SULF1: variants seen among roughly 807,000 people sequenced by gnomAD.
SULF1 encodes the protein extracellular sulfatase Sulf-1.
Under a neutral mutation model 110.5 loss-of-function variants are expected in SULF1, and 46 were observed. That is an observed-to-expected ratio of 0.42 (90% CI 0.33 to 0.53). The LOEUF (loss-of-function observed/expected upper bound fraction) is 0.53, where lower values mean the gene tolerates loss of function less well. Among genes scored for constraint, SULF1 ranks in the 20% least tolerant of loss-of-function variants. The probability of loss-of-function intolerance (pLI) is 0.12; values close to 1 mark genes in which losing one functional copy is unlikely to be tolerated. For missense variants in SULF1, 941 were observed against 1,094.2 expected (o/e 0.86, Z 1.98); for synonymous variants, 371 against 387.1 (o/e 0.96, Z 0.49).
chr8:69,492,229 G>A (rs1809975896), upstream of SULF1, among the ~76,000 whole-genome samples: 1 of 151,828 alleles, frequency 6.6e-6, no homozygotes, highest in East Asian at 1.9e-4. Flanking sequence ...GAAGCTTGGT[G>A]CTCAGAATAA....
intron 1 of SULF1, among the ~76,000 whole-genome samples, chr8:69,472,962 G>T (rs1322174207): frequency 6.6e-6 from 1 of 152,068 alleles, no homozygotes; most frequent in Non-Finnish European, 1.5e-5. Flanking sequence ...TCAGTCTCAT[G>T]AGTAGCTAGG....
At chr8:69,631,100 T>C (rs1770835937) in intron 19 of SULF1, among the ~76,000 whole-genome samples, 2 of 151,940 alleles carry the variant, frequency 1.3e-5, no homozygotes, top group Non-Finnish European at 2.9e-5. Flanking sequence ...ACCTAAAGGA[T>C]AGAGAGAAGC....
intron 5 of SULF1, among the ~76,000 whole-genome samples, chr8:69,572,877 A>G (rs1233841654): frequency 2.6e-5 from 4 of 152,124 alleles, no homozygotes; most frequent in African/African-American, 4.8e-5. Flanking sequence ...CCCCAGGCTG[A>G]AGTGCAGTGG....
intron 3 of SULF1, among the ~76,000 whole-genome samples, chr8:69,562,536 A>T (rs1434341339): frequency 1.3e-5 from 2 of 152,146 alleles, no homozygotes; most frequent in African/African-American, 4.8e-5. Flanking sequence ...TTCCCTCATG[A>T]CATATGAGAG....
At chr8:69,615,215 T>C (rs1229467739) in intron 13 of SULF1, among the ~76,000 whole-genome samples, 1 of 152,216 alleles carries the variant, frequency 6.6e-6, no homozygotes, top group Non-Finnish European at 1.5e-5. Context: ...CCCTTCTCAT[T>C]ATTTTGACTA....
chr8:69,519,953 C>A (rs1238613756), intron 3 of SULF1, among the ~76,000 whole-genome samples: 5 of 152,124 alleles, frequency 3.3e-5, no homozygotes, highest in Non-Finnish European at 5.9e-5. Flanking sequence ...TTTCTGAAAT[C>A]TTAATACAAC....
chr8:69,593,709 G>T (rs1807075028), intron 8 of SULF1, among the ~76,000 whole-genome samples: 1 of 152,160 alleles, frequency 6.6e-6, no homozygotes, highest in Non-Finnish European at 1.5e-5. Flanking sequence ...CTGTAACTCA[G>T]CTACTCATGG....
intron 3 of SULF1, among the ~76,000 whole-genome samples, chr8:69,538,874 G>A (rs1813655168): frequency 6.6e-6 from 1 of 152,104 alleles, no homozygotes; most frequent in African/African-American, 2.4e-5. Flanking sequence ...TGTATTTTTA[G>A]TGGAGATGGG....
intron 3 of SULF1, among the ~76,000 whole-genome samples, chr8:69,508,198 T>C (rs924973421): frequency 6.6e-6 from 1 of 152,014 alleles, no homozygotes; most frequent in Non-Finnish European, 1.5e-5. Flanking sequence ...CTCCGCCTCC[T>C]GGGTTCAAGC....
chr8:69,570,541 G>A (rs1380644921), intron 5 of SULF1, among the ~76,000 whole-genome samples: 1 of 152,104 alleles, frequency 6.6e-6, no homozygotes, highest in East Asian at 1.9e-4. Flanking sequence ...TCATACAAAT[G>A]ATTTTTGTAT....
At chr8:69,532,275 T>C (rs904238872) in intron 3 of SULF1, among the ~76,000 whole-genome samples, 1 of 152,220 alleles carries the variant, frequency 6.6e-6, no homozygotes, top group Non-Finnish European at 1.5e-5. Flanking sequence ...TCATTCTATG[T>C]CTTAAAATGA....
At chr8:69,526,872 G>GGAAGGAAAGAAGGA in intron 3 of SULF1, among the ~76,000 whole-genome samples, 1 of 136,032 alleles carries the variant, frequency 7.4e-6, no homozygotes, top group Non-Finnish European at 1.6e-5. Context: ...GAAGGAGGAA[G>GGAAGGAAAGAAGGA]GGAAGGGAAG....
At chr8:69,578,800 A>G (rs1805832164) in intron 6 of SULF1, among the ~76,000 whole-genome samples, 1 of 152,172 alleles carries the variant, frequency 6.6e-6, no homozygotes, top group Non-Finnish European at 1.5e-5. Flanking sequence ...TACAATTTAT[A>G]GTGAGTCAAC....
At chr8:69,589,775 G>T (rs1806757392) in intron 8 of SULF1, among the ~76,000 whole-genome samples, 1 of 152,078 alleles carries the variant, frequency 6.6e-6, no homozygotes, top group Admixed American at 6.5e-5. Flanking sequence ...GCTGTCGTGT[G>T]CCCACAATTC....
chr8:69,484,825 C>CTCT (rs72313235), intron 1 of SULF1, among the ~76,000 whole-genome samples: 22,768 of 148,834 alleles, frequency 0.15, 1,922 homozygotes, highest in Middle Eastern at 0.24. Flanking sequence ...TTTCATCTTC[C>CTCT]TCTTCTTCTT....
intron 3 of SULF1, among the ~76,000 whole-genome samples, chr8:69,532,137 A>C (rs970108889): frequency 1.3e-5 from 2 of 152,184 alleles, no homozygotes; most frequent in Non-Finnish European, 2.9e-5. Flanking sequence ...CTTCATGGCT[A>C]TTCTTCGTTA....
chr8:69,568,266 T>C (rs996607845), intron 5 of SULF1, among the ~76,000 whole-genome samples: 12 of 152,174 alleles, frequency 7.9e-5, no homozygotes, highest in African/African-American at 2.9e-4. Flanking sequence ...AGAATACTTT[T>C]CTCACTGGGA....
In SULF1 at chr8:69,555,655, CA is replaced by C. The variant is rs112243288; in HGVS notation, c.-133-7872del. Among the ~76,000 whole-genome samples, 126 of 144,316 alleles carry C rather than the reference CA, an allele frequency of 8.7e-4. 1 individual carries two copies. Among genetic ancestry groups the C allele is most frequent in the Admixed American group, 9.7e-4 (14 of 14,436 alleles). The allele number at this position is 144,316 out of a possible 152,430, so 94.7% of individuals were successfully genotyped here. On this transcript the variant is annotated intron_variant, in intron 3 of 22. Coordinates refer to ENST00000402687, the MANE Select transcript of SULF1 (RefSeq NM_001128205.2). Reference sequence around the variant, plus strand: ...CTAGGCAACAGGCAAGACTCCATCTCAAAAAAAAAAAAGTATGCCAATGGGG... The same window carrying C: ...CTAGGCAACAGGCAAGACTCCATCTCAAAAAAAAAAAGTATGCCAATGGGG...
chr8:69,497,315 G>A (rs1378479821), intron 2 of SULF1, among the ~76,000 whole-genome samples: 2 of 151,744 alleles, frequency 1.3e-5, no homozygotes, highest in African/African-American at 4.8e-5. Flanking sequence ...CTGCCACCAC[G>A]CCTGGCTAAT....
Sources: gnomAD v4.1 joint callset for allele counts (sites outside exome capture counted in the v4.1 genomes callset) on GRCh38, gnomAD v4.1.1 for gene constraint, MANE v1.5 for transcripts, NCBI Gene and HGNC (gene_info 2026-07-23, HGNC 2026-07-21) for gene names.